NMT2: variants seen among roughly 807,000 people sequenced by gnomAD.
The protein encoded by NMT2 is N-myristoyltransferase 2.
Under a neutral mutation model 65.4 loss-of-function variants are expected in NMT2, and 35 were observed. That is an observed-to-expected ratio of 0.54 (90% CI 0.41 to 0.71). The LOEUF is 0.71. Ranked by LOEUF, NMT2 falls within the 30% of genes least tolerant of loss-of-function variation. The pLI, the probability that NMT2 is intolerant of heterozygous loss-of-function variation, is 0.00. For missense variants in NMT2, 489 were observed against 611.3 expected, an observed-to-expected ratio of 0.80 and a Z score of 2.11; for synonymous variants, 226 against 231.8, an observed-to-expected ratio of 0.98 and a Z score of 0.23.
intron 10 of NMT2, among the ~76,000 whole-genome samples, chr10:15,110,560 G>A (rs7077508): frequency 2.6e-5 from 4 of 151,962 alleles, no homozygotes; most frequent in Non-Finnish European, 5.9e-5. Context: ...TGCATAAGCC[G>A]AAGAGGTCGA....
Position 15,108,467 on chromosome 10 carries a change from G to A in NMT2, c.*728C>T. 2 of 980,946 alleles carry A rather than the reference G, an allele frequency of 2.0e-6. No homozygotes were observed. The highest frequency in any genetic ancestry group is 2.4e-6 in the Non-Finnish European group (2 of 826,122). 60.8% of individuals were successfully genotyped at this position (980,946 alleles called of 1,614,324 possible). A position where few individuals can be genotyped will look rare whatever the true frequency, so the allele number is the denominator to read the frequency against. ...CCCAAAGTGCTGGGATTACAGGCGTGAGCCACCACGCCCGGCCTCAGGCTC... is the reference window on the plus strand; with the variant it reads ...CCCAAAGTGCTGGGATTACAGGCGTAAGCCACCACGCCCGGCCTCAGGCTC... On this transcript the variant is annotated 3_prime_UTR_variant, in exon 12 of 12. Coordinates refer to ENST00000378165, the MANE Select transcript of NMT2 (RefSeq NM_004808.3).
chr10:15,168,478 C>T (rs1231671699), intron 1 of NMT2, 25 bp downstream of exon 1: 2 of 1,550,754 alleles, frequency 1.3e-6, no homozygotes, highest in Middle Eastern at 1.7e-4. Context: ...CTGTCGCGCC[C>T]GGTGCGCCAG....
intron 1 of NMT2, among the ~76,000 whole-genome samples, chr10:15,161,441 T>G (rs1364939839): frequency 2.6e-5 from 4 of 152,180 alleles, no homozygotes; most frequent in Non-Finnish European, 5.9e-5. Flanking sequence ...AACCTCCACC[T>G]CCTGGGTTCA....
At chr10:15,156,328 C>T (rs972761503) in intron 1 of NMT2, among the ~76,000 whole-genome samples, 6 of 152,068 alleles carry the variant, frequency 3.9e-5, no homozygotes, top group African/African-American at 1.4e-4. Flanking sequence ...CTCCTGCCAC[C>T]CTGTGAAGAA....
intron 1 of NMT2, among the ~76,000 whole-genome samples, chr10:15,154,020 C>T (rs907620430): frequency 6.6e-6 from 1 of 152,304 alleles, no homozygotes; most frequent in East Asian, 1.9e-4. Flanking sequence ...AAATAACAGC[C>T]GCTCACAACA....
chr10:15,161,327 AG>A (rs1354416102), intron 1 of NMT2, among the ~76,000 whole-genome samples: 1 of 152,012 alleles, frequency 6.6e-6, no homozygotes. Flanking sequence ...CTGTTAAAGA[AG>A]AAAAAGACAG....
At chr10:15,126,156 C>T (rs996370969) in intron 8 of NMT2, among the ~76,000 whole-genome samples, 30 of 151,152 alleles carry the variant, frequency 2.0e-4, no homozygotes, top group Non-Finnish European at 3.7e-4. Context: ...CGGCTGGGCG[C>T]AGTGGCTCAC....
chr10:15,112,174 T>TCA (rs1845541889), intron 10 of NMT2, among the ~76,000 whole-genome samples: 3 of 28,876 alleles, frequency 1.0e-4, no homozygotes, highest in South Asian at 1.8e-3. Context: ...GATATGGGCT[T>TCA]TATATATATA....
Position 15,128,464 on chromosome 10 carries a change from A to G in NMT2, c.891-6T>C. On this transcript the variant is annotated splice_region_variant and splice_polypyrimidine_tract_variant and intron_variant, in intron 7 of 11. Transcript: ENST00000378165. The stretch of plus-strand genomic sequence containing the variant: ...TTAGTGATCGATGCCAGTATCTGGA[A>G]TACAATAAAGGTTTTAAAATCAAAT... The G allele has an allele frequency of 6.5e-7, 1 of 1,528,336 alleles. No homozygotes were observed. Among genetic ancestry groups the G allele is most frequent in the East Asian group, 2.2e-5 (1 of 44,496 alleles). 94.7% of individuals were successfully genotyped at this position (1,528,336 alleles called of 1,614,324 possible). A position where few individuals can be genotyped will look rare whatever the true frequency, so the allele number is the denominator to read the frequency against.
chr10:15,154,887 ATGCCTTCTTTCACCCTGCCAG>A (rs1832937568), intron 1 of NMT2: 1 of 842,218 alleles, frequency 1.2e-6, no homozygotes, highest in Non-Finnish European at 2.0e-6. Context: ...CACAATCTTG[ATGCCTTCTTTCACCCTGCCAG>A]AGACCACATG....
At chr10:15,149,895 T>C (rs1832744542) in intron 1 of NMT2, among the ~76,000 whole-genome samples, 1 of 152,188 alleles carries the variant, frequency 6.6e-6, no homozygotes, top group Admixed American at 6.5e-5. Context: ...ATGTACTTCC[T>C]TGGGTTGACC....
intron 10 of NMT2, 150 bp downstream of exon 10, chr10:15,112,646 C>T (rs1262304429): frequency 7.9e-5 from 56 of 705,166 alleles, no homozygotes; most frequent in Non-Finnish European, 3.5e-5. Context: ...AAACTCTTAT[C>T]AAAATTCTTC....
rs966876196 is a variant in NMT2, at chr10:15,109,175, C to T, written c.*20G>A. 34 of 1,601,204 alleles carry T rather than the reference C, an allele frequency of 2.1e-5. No homozygotes were observed. Among genetic ancestry groups the T allele is most frequent in the Non-Finnish European group, 2.9e-5 (34 of 1,176,116 alleles). On this transcript the variant is annotated 3_prime_UTR_variant, in exon 12 of 12. Transcript: ENST00000378165. ...ATTAACAAATGATGATGTCAGAGTT[C>T]TAGAAATAAAAATATCCATCTATTG...
At chr10:15,109,513 G>C (rs571879843) in intron 11 of NMT2, among the ~76,000 whole-genome samples, 189 bp downstream of exon 11, 3 of 152,320 alleles carry the variant, frequency 2.0e-5, no homozygotes, top group East Asian at 3.9e-4. Flanking sequence ...GGAGGTTGCA[G>C]TGAGCTGAGA....
intron 2 of NMT2, among the ~76,000 whole-genome samples, chr10:15,140,478 A>G (rs994282646): frequency 6.6e-6 from 1 of 151,534 alleles, no homozygotes; most frequent in Non-Finnish European, 1.5e-5. Context: ...CTATTTTGTA[A>G]TATTTCTAAT....
Position 15,108,119 on chromosome 10 carries a change from GT to G in NMT2, c.*1075del. On this transcript the variant is annotated 3_prime_UTR_variant, in exon 12 of 12. Coordinates refer to ENST00000378165, the MANE Select transcript of NMT2 (RefSeq NM_004808.3). ...TTCCTTTTCTTCATATATCCTTGAT[GT>G]TGCTGAGAAGAAACTGAACTTTGCA... 1 of 984,350 alleles carries G rather than the reference GT, an allele frequency of 1.0e-6. No individual in the cohort carries two copies. Among genetic ancestry groups the G allele is most frequent in the Non-Finnish European group, 1.2e-6 (1 of 829,820 alleles). The allele number at this position is 984,350 out of a possible 1,614,324, so 61.0% of individuals were successfully genotyped here. A position where few individuals can be genotyped will look rare whatever the true frequency, so the allele number is the denominator to read the frequency against.
At position 15,148,445 on chromosome 10, in the gene NMT2, T is replaced by C. The variant is rs530853067; in HGVS notation, c.111-6888A>G. ...GGAGGATCACTTGAGTCCAGGAGTT[T>C]GAGGCTGCAGTGAGCCGTGATCGTG... On this transcript the variant is annotated intron_variant, in intron 1 of 11. Coordinates refer to ENST00000378165, the MANE Select transcript of NMT2 (RefSeq NM_004808.3). Among the ~76,000 whole-genome samples, 3 of 152,260 alleles carry C rather than the reference T, an allele frequency of 2.0e-5. No homozygotes were observed. In the East Asian group the frequency reaches 5.8e-4, roughly 29 times the overall value.
chr10:15,154,891 C>T (rs752718524), intron 1 of NMT2: 7 of 860,498 alleles, frequency 8.1e-6, no homozygotes, highest in Non-Finnish European at 7.9e-6. Context: ...ATCTTGATGC[C>T]TTCTTTCACC....
In NMT2 at chr10:15,105,932, G is replaced by T; in HGVS notation, c.*3263C>A. On this transcript the variant is annotated 3_prime_UTR_variant, in exon 12 of 12. Coordinates refer to ENST00000378165, the MANE Select transcript of NMT2 (RefSeq NM_004808.3). The stretch of plus-strand genomic sequence containing the variant: ...CAAATTATGTAAATGACTCTTTAAA[G>T]GAGCAGTGTAACTGTCACCGTGAGG... 1 of 309,434 alleles carries T rather than the reference G, an allele frequency of 3.2e-6. No homozygotes were observed. The highest frequency in any genetic ancestry group is 6.3e-6 in the Non-Finnish European group (1 of 158,632). 19.2% of individuals were successfully genotyped at this position (309,434 alleles called of 1,614,324 possible).
Sources: allele counts gnomAD v4.1 joint callset (sites outside exome capture counted in the v4.1 genomes callset), GRCh38; gene constraint gnomAD v4.1.1; transcripts MANE v1.5; gene names NCBI Gene and HGNC (gene_info 2026-07-23, HGNC 2026-07-21).